Variants in FBXW7 observed in about 807,000 individuals in gnomAD.
FBXW7 encodes F-box/WD repeat-containing protein 7.
FBXW7 carries 11 observed loss-of-function variants against 86.3 expected under a neutral mutation model. The observed-to-expected ratio is 0.13, with a 90% CI of 0.08 to 0.21. The LOEUF is 0.21. FBXW7 is among the 10% of genes least tolerant of loss of function. FBXW7 has a pLI of 1.00. For synonymous variants in FBXW7, 313 were observed against 297.9 expected, an observed-to-expected ratio of 1.05 and a Z score of -0.52; for missense variants, 488 against 847.4, an observed-to-expected ratio of 0.58 and a Z score of 5.27.
chr4:152,528,292 T>A (rs1204205563), intron 2 of FBXW7, among the ~76,000 whole-genome samples: 2 of 152,180 alleles, frequency 1.3e-5, no homozygotes, highest in African/African-American at 4.8e-5. Flanking sequence ...CAACAGAAAC[T>A]GCACAGTATC....
chr4:152,376,280 G>A (rs1256661427), intron 4 of FBXW7, among the ~76,000 whole-genome samples: 1 of 151,994 alleles, frequency 6.6e-6, no homozygotes, highest in Non-Finnish European at 1.5e-5. Flanking sequence ...AAATTTGGGA[G>A]GGTAATAATT....
chr4:152,464,996 TA>T (rs1743274297), intron 2 of FBXW7, among the ~76,000 whole-genome samples: 1 of 152,210 alleles, frequency 6.6e-6, no homozygotes, highest in Non-Finnish European at 1.5e-5. Flanking sequence ...GTAAGATTAG[TA>T]ATCAAAGATC....
intron 2 of FBXW7, among the ~76,000 whole-genome samples, chr4:152,505,276 T>G (rs1747307315): frequency 6.6e-6 from 1 of 152,204 alleles, no homozygotes; most frequent in African/African-American, 2.4e-5. Context: ...TATGAAGGCC[T>G]AGGACATTAT....
At chr4:152,368,589 C>T (rs974503023) in intron 4 of FBXW7, among the ~76,000 whole-genome samples, 7 of 151,908 alleles carry the variant, frequency 4.6e-5, no homozygotes, top group African/African-American at 1.7e-4. Context: ...TATCAGGTAC[C>T]ATTTTGACAA....
chr4:152,487,516 G>C (rs1209824193), intron 2 of FBXW7, among the ~76,000 whole-genome samples: 3 of 151,952 alleles, frequency 2.0e-5, no homozygotes, highest in Non-Finnish European at 4.4e-5. Context: ...ATTTTAAAAG[G>C]AAATCAGTAC....
At chr4:152,525,284 G>A (rs1749407326) in intron 2 of FBXW7, among the ~76,000 whole-genome samples, 1 of 152,280 alleles carries the variant, frequency 6.6e-6, no homozygotes. Context: ...GTCACAGCTA[G>A]CAAGATAATC....
intron 2 of FBXW7, among the ~76,000 whole-genome samples, chr4:152,506,272 C>A (rs1036266253): frequency 2.7e-4 from 41 of 152,074 alleles, no homozygotes; most frequent in African/African-American, 9.4e-4. Flanking sequence ...GCTGGGACTA[C>A]AGGTGCCCGC....
At chr4:152,488,426 C>T (rs1451557320) in intron 2 of FBXW7, among the ~76,000 whole-genome samples, 2 of 152,002 alleles carry the variant, frequency 1.3e-5, no homozygotes, top group East Asian at 1.9e-4. Context: ...CTCTTTGGAA[C>T]GACAATGCTA....
At chr4:152,353,333 G>A (rs1167694685) in intron 4 of FBXW7, among the ~76,000 whole-genome samples, 1 of 152,114 alleles carries the variant, frequency 6.6e-6, no homozygotes, top group Non-Finnish European at 1.5e-5. Context: ...GTTTGGAGCC[G>A]ACAGCATTTG....
intron 2 of FBXW7, among the ~76,000 whole-genome samples, chr4:152,415,168 A>C (rs1738312407): frequency 6.6e-6 from 1 of 152,152 alleles, no homozygotes; most frequent in Admixed American, 6.6e-5. Context: ...CTTATATTGA[A>C]CTAGAGTTGC....
At chr4:152,498,581 C>T (rs1746602007) in intron 2 of FBXW7, among the ~76,000 whole-genome samples, 1 of 152,152 alleles carries the variant, frequency 6.6e-6, no homozygotes, top group East Asian at 1.9e-4. Context: ...TATAAAGAGG[C>T]ATAGTACTAG....
chr4:152,480,639 G>A (rs1482856642), intron 2 of FBXW7, among the ~76,000 whole-genome samples: 1 of 152,150 alleles, frequency 6.6e-6, no homozygotes, highest in Non-Finnish European at 1.5e-5. Flanking sequence ...GTTCTTGAAG[G>A]AAATTAAATG....
intron 2 of FBXW7, among the ~76,000 whole-genome samples, chr4:152,470,630 G>T (rs373487762): frequency 6.6e-6 from 1 of 151,872 alleles, no homozygotes; most frequent in South Asian, 2.1e-4. Flanking sequence ...AAAAGCTAGC[G>T]GTTAATAATT....
intron 2 of FBXW7, among the ~76,000 whole-genome samples, chr4:152,456,545 A>C (rs1742439145): frequency 6.6e-6 from 1 of 152,104 alleles, no homozygotes; most frequent in Non-Finnish European, 1.5e-5. Context: ...CAAAATAAAT[A>C]AATCAATAAA....
chr4:152,467,902 T>A (rs374807202), intron 2 of FBXW7, among the ~76,000 whole-genome samples: 13 of 151,952 alleles, frequency 8.6e-5, no homozygotes, highest in African/African-American at 2.7e-4. Flanking sequence ...TATTTGCAAA[T>A]CATGTATGTG....
intron 2 of FBXW7, among the ~76,000 whole-genome samples, chr4:152,469,247 A>C (rs570871782): frequency 9.2e-5 from 14 of 152,224 alleles, no homozygotes; most frequent in African/African-American, 3.1e-4. Flanking sequence ...AAGCATATTT[A>C]ATAACTTTAA....
At chr4:152,530,068 A>AT (rs1389594279) in intron 2 of FBXW7, among the ~76,000 whole-genome samples, 7 of 112,798 alleles carry the variant, frequency 6.2e-5, no homozygotes, top group African/African-American at 1.4e-4. Context: ...AAAAAAAAAA[A>AT]ATACACACAC....
At chr4:152,348,837 C>T (rs1353267237) in intron 5 of FBXW7, 2 of 260,628 alleles carry the variant, frequency 7.7e-6, no homozygotes, top group Non-Finnish European at 1.4e-5. Flanking sequence ...TCTCTCTATC[C>T]CTCCACACCC....
At chr4:152,332,102 A>T (rs1325309477) in intron 8 of FBXW7, among the ~76,000 whole-genome samples, 1 of 151,748 alleles carries the variant, frequency 6.6e-6, no homozygotes, top group Non-Finnish European at 1.5e-5. Flanking sequence ...GGGAAAAAAA[A>T]CAAAAACAAA....
Sources: gnomAD v4.1 joint callset for allele counts (sites outside exome capture counted in the v4.1 genomes callset) on GRCh38, gnomAD v4.1.1 for gene constraint, MANE v1.5 for transcripts, NCBI Gene and HGNC (gene_info 2026-07-23, HGNC 2026-07-21) for gene names.